CLMP: variants seen among roughly 807,000 people sequenced by gnomAD.
CLMP encodes the protein CXADR like cell adhesion molecule.
In CLMP, 27 loss-of-function variants were observed where a neutral mutation model predicts 45.2. The observed-to-expected ratio is 0.60, with a 90% CI of 0.44 to 0.82. The LOEUF (loss-of-function observed/expected upper bound fraction) is 0.82. Ranked by LOEUF, CLMP falls within the 40% of genes least tolerant of loss-of-function variation. The pLI is 0.00. For missense variants in CLMP, 403 were observed against 448.4 expected (o/e 0.90, Z 0.91); for synonymous variants, 167 against 171.4 (o/e 0.97, Z 0.20).
At chr11:123,154,859 G>A (rs1861390750) in intron 1 of CLMP, among the ~76,000 whole-genome samples, 1 of 152,208 alleles carries the variant, frequency 6.6e-6, no homozygotes, top group African/African-American at 2.4e-5. Flanking sequence ...AATGGGAAAT[G>A]AAATATGTAG....
intron 1 of CLMP, among the ~76,000 whole-genome samples, chr11:123,171,427 TTTTTC>T (rs550153098): frequency 9.7e-4 from 135 of 139,286 alleles, no homozygotes; most frequent in East Asian, 2.6e-3. Flanking sequence ...AAGATTTTTT[TTTTTC>T]TTTTCTTTTC....
At chr11:123,080,971 C>T (rs535922271) in intron 5 of CLMP, among the ~76,000 whole-genome samples, 26 of 152,020 alleles carry the variant, frequency 1.7e-4, no homozygotes, top group Admixed American at 1.4e-3. Context: ...AGTGAAACCC[C>T]GTCTCTACTA....
intron 1 of CLMP, among the ~76,000 whole-genome samples, chr11:123,138,403 T>C (rs922195372): frequency 6.6e-6 from 1 of 152,188 alleles, no homozygotes; most frequent in Non-Finnish European, 1.5e-5. Context: ...TGTGTACACA[T>C]AGAAATATGA....
intron 1 of CLMP, among the ~76,000 whole-genome samples, chr11:123,150,476 A>AAGG (rs1565397410): frequency 2.1e-3 from 130 of 60,548 alleles, no homozygotes; most frequent in Middle Eastern, 7.7e-3. Context: ...AGAAAGAAAG[A>AAGG]AAGAAAGGAA....
chr11:123,086,918 G>T (rs186093811), intron 2 of CLMP, among the ~76,000 whole-genome samples: 7 of 152,266 alleles, frequency 4.6e-5, no homozygotes, highest in African/African-American at 1.4e-4. Flanking sequence ...ATGTAACTGG[G>T]TGCGGTGGCT....
intron 5 of CLMP, among the ~76,000 whole-genome samples, chr11:123,075,915 G>A (rs1865733248): frequency 6.6e-6 from 1 of 152,142 alleles, no homozygotes; most frequent in Admixed American, 6.5e-5. Flanking sequence ...CCTCAGGCCT[G>A]TAATCCCAGC....
chr11:123,114,370 C>T (rs1860689524), intron 1 of CLMP, among the ~76,000 whole-genome samples: 1 of 152,072 alleles, frequency 6.6e-6, no homozygotes, highest in Non-Finnish European at 1.5e-5. Context: ...TTCACTCTCC[C>T]TAAGGAGGGG....
At chr11:123,155,446 G>T (rs912675327) in intron 1 of CLMP, among the ~76,000 whole-genome samples, 1 of 151,892 alleles carries the variant, frequency 6.6e-6, no homozygotes, top group Non-Finnish European at 1.5e-5. Context: ...TTTACCAGAT[G>T]ATTGCTAGTT....
intron 1 of CLMP, among the ~76,000 whole-genome samples, chr11:123,104,019 G>T (rs1002000844): frequency 6.6e-6 from 1 of 150,782 alleles, no homozygotes. Context: ...TAGTAGAGAC[G>T]GGATTTCACT....
intron 1 of CLMP, among the ~76,000 whole-genome samples, chr11:123,152,427 G>A (rs533627245): frequency 2.0e-5 from 3 of 152,116 alleles, no homozygotes; most frequent in African/African-American, 7.2e-5. Flanking sequence ...GGAGGCTGAG[G>A]CAGGAGAATC....
intron 2 of CLMP, among the ~76,000 whole-genome samples, chr11:123,090,401 A>G (rs746904403): frequency 6.6e-6 from 1 of 151,962 alleles, no homozygotes; most frequent in Non-Finnish European, 1.5e-5. Context: ...CAACCTGGCA[A>G]CAGAGCGAGA....
chr11:123,174,175 A>T (rs1347610676), intron 1 of CLMP, among the ~76,000 whole-genome samples: 1 of 152,212 alleles, frequency 6.6e-6, no homozygotes, highest in Non-Finnish European at 1.5e-5. Context: ...CACCTTACAT[A>T]GAGGCCAAGA....
intron 1 of CLMP, among the ~76,000 whole-genome samples, chr11:123,137,131 C>CTT (rs113840066): frequency 3.5e-5 from 5 of 143,284 alleles, no homozygotes; most frequent in African/African-American, 1.3e-4. Flanking sequence ...GCAGACCTTT[C>CTT]TCTTTTTTTC....
At chr11:123,105,850 T>G (rs1258717387) in intron 1 of CLMP, among the ~76,000 whole-genome samples, 1 of 151,080 alleles carries the variant, frequency 6.6e-6, no homozygotes, top group African/African-American at 2.4e-5. Flanking sequence ...ACAATCTTGC[T>G]CTGTCACCCA....
At position 123,147,450 on chromosome 11, in the gene CLMP, G is replaced by GT. The variant is rs553928949; in HGVS notation, c.28+47462dup. Among the ~76,000 whole-genome samples the GT allele has an allele frequency of 1.2e-3, 178 of 152,280 alleles. 1 individual carries two copies. The highest frequency in any genetic ancestry group is 4.0e-3 in the African/African-American group (166 of 41,558). On this transcript the variant is annotated intron_variant, in intron 1 of 6. Transcript: ENST00000448775. ...TCTTTTTTAAAAAATTAAAAAGATA[G>GT]TTTTTTCTTTACAGATGGGGTCTCA...
At chr11:123,132,153 T>C (rs1861000973) in intron 1 of CLMP, among the ~76,000 whole-genome samples, 2 of 152,234 alleles carry the variant, frequency 1.3e-5, no homozygotes, top group Non-Finnish European at 2.9e-5. Context: ...GCAGAACCTC[T>C]GCTCTACAAA....
chr11:123,170,043 GGT>G (rs1861609062), intron 1 of CLMP, among the ~76,000 whole-genome samples: 1 of 152,142 alleles, frequency 6.6e-6, no homozygotes, highest in Admixed American at 6.6e-5. Context: ...GACTTAAAAA[GGT>G]GCCAGACTTT....
chr11:123,134,174 C>A (rs951764241), intron 1 of CLMP, among the ~76,000 whole-genome samples: 4 of 151,472 alleles, frequency 2.6e-5, no homozygotes, highest in African/African-American at 7.3e-5. Context: ...GCATGAGAAT[C>A]ACTGGAACCT....
chr11:123,176,933 A>G (rs1489030756), intron 1 of CLMP, among the ~76,000 whole-genome samples: 1 of 152,202 alleles, frequency 6.6e-6, no homozygotes, highest in Non-Finnish European at 1.5e-5. Context: ...CCCACTGAGT[A>G]CCACATGTTA....
Sources: allele counts gnomAD v4.1 joint callset (sites outside exome capture counted in the v4.1 genomes callset), GRCh38; gene constraint gnomAD v4.1.1; transcripts MANE v1.5; gene names NCBI Gene and HGNC (gene_info 2026-07-23, HGNC 2026-07-21).